The following UMAD1 variants were observed in gnomAD, a reference collection of about 807,000 sequenced individuals.
UMAD1 encodes the protein UBAP1-MVB12-associated (UMA)-domain containing protein 1.
A neutral mutation model predicts 6.1 loss-of-function variants in UMAD1; 8 were observed. The observed-to-expected ratio is 1.30, with a 90% CI of 0.76 to 2.35. The LOEUF (loss-of-function observed/expected upper bound fraction) is 2.35. Among genes scored for constraint, UMAD1 ranks in the 30% most tolerant of loss-of-function variants. UMAD1 has a pLI of 0.00. For missense variants in UMAD1, 130 were observed against 78.4 expected (o/e 1.66, Z -2.49); for synonymous variants, 56 against 31.4 (o/e 1.78, Z -2.61).
intron 3 of UMAD1, among the ~76,000 whole-genome samples, chr7:7,846,912 C>A (rs1235754253): frequency 8.1e-5 from 2 of 24,652 alleles, no homozygotes; most frequent in Non-Finnish European, 8.2e-5. Context: ...GTGGTGGGGT[C>A]GGGGGAGGGG....
intron 3 of UMAD1, among the ~76,000 whole-genome samples, chr7:7,848,090 C>A (rs1025857123): frequency 1.3e-5 from 2 of 152,102 alleles, no homozygotes; most frequent in African/African-American, 2.4e-5. Context: ...TGATGTATTA[C>A]CTGGCATAGT....
intron 1 of UMAD1, among the ~76,000 whole-genome samples, chr7:7,657,993 A>C (rs895157515): frequency 6.6e-6 from 1 of 152,130 alleles, no homozygotes; most frequent in African/African-American, 2.4e-5. Flanking sequence ...TTCCTTGAGC[A>C]GTGGTTTATA....
intron 3 of UMAD1, among the ~76,000 whole-genome samples, chr7:7,862,984 A>C (rs1454198325): frequency 6.6e-6 from 1 of 151,528 alleles, no homozygotes; most frequent in Non-Finnish European, 1.5e-5. Flanking sequence ...AAATTATACT[A>C]TAGTACATAA....
chr7:7,667,514 G>A (rs911026075), intron 1 of UMAD1, among the ~76,000 whole-genome samples: 1 of 152,158 alleles, frequency 6.6e-6, no homozygotes, highest in Non-Finnish European at 1.5e-5. Context: ...GGCAGAGGTT[G>A]CAGTTTTTTT....
chr7:7,838,998 G>C (rs1290326742), intron 3 of UMAD1, among the ~76,000 whole-genome samples: 1 of 152,156 alleles, frequency 6.6e-6, no homozygotes, highest in Non-Finnish European at 1.5e-5. Flanking sequence ...TTACTTTCTA[G>C]CAGGGGAGGA....
At chr7:7,671,376 T>C (rs1288202075) in intron 1 of UMAD1, among the ~76,000 whole-genome samples, 2 of 152,226 alleles carry the variant, frequency 1.3e-5, no homozygotes, top group Non-Finnish European at 2.9e-5. Flanking sequence ...CTCTTTTTTC[T>C]GAACCGTTTT....
At chr7:7,804,053 GTC>G (rs1305076815) in intron 3 of UMAD1, among the ~76,000 whole-genome samples, 10 of 152,162 alleles carry the variant, frequency 6.6e-5, no homozygotes, top group Admixed American at 6.5e-4. Context: ...CTACTTTCTA[GTC>G]TCTCTATTAA....
rs78698904 is a variant in UMAD1, at chr7:7,830,255, G to A, written c.156+28512G>A. Reference sequence around the variant, plus strand: ...TCCTAAACATGCGTTGTAATCACACGGCTCTCTGTCTGCTTGCTAAAGATT... The same window carrying A: ...TCCTAAACATGCGTTGTAATCACACAGCTCTCTGTCTGCTTGCTAAAGATT... On this transcript the variant is annotated intron_variant, in intron 3 of 3. Transcript: ENST00000682710. The surrounding 1 kb of genome is among the most constrained non-coding windows in gnomAD (Gnocchi z 5.3). Among the ~76,000 whole-genome samples, 18,739 of 151,990 alleles carry A rather than the reference G, an allele frequency of 0.12. 1,372 individuals carry two copies. Among genetic ancestry groups the A allele is most frequent in the Middle Eastern group, 0.2 (60 of 294 alleles).
At chr7:7,776,662 C>T (rs1026322008) in intron 2 of UMAD1, among the ~76,000 whole-genome samples, 9 of 152,144 alleles carry the variant, frequency 5.9e-5, no homozygotes, top group African/African-American at 1.2e-4. Context: ...TCTATAATAA[C>T]GGTTACTCTG....
chr7:7,861,647 T>A (rs1158905498), intron 3 of UMAD1, among the ~76,000 whole-genome samples: 1 of 152,232 alleles, frequency 6.6e-6, no homozygotes. Flanking sequence ...TTCATCTGTA[T>A]ATGAAAACAC....
chr7:7,774,750 A>G lies in UMAD1; in HGVS notation c.83-26920A>G, dbSNP rs553877184. Among the ~76,000 whole-genome samples, 8 of 152,246 alleles carry G rather than the reference A, an allele frequency of 5.3e-5. No homozygotes were observed. In the Middle Eastern group the frequency reaches 0.024, roughly 453 times the overall value. On this transcript the variant is annotated intron_variant, in intron 2 of 3. Coordinates refer to ENST00000682710, the MANE Select transcript of UMAD1 (RefSeq NM_001302348.2). ...CATAACACCAATTTCAACTCTTGTC[A>G]TCCTTCTCAAGCCCCAGGCCCAGTT...
At chr7:7,699,286 TTTCA>T (rs1780398732) in intron 2 of UMAD1, among the ~76,000 whole-genome samples, 1 of 152,190 alleles carries the variant, frequency 6.6e-6, no homozygotes, top group African/African-American at 2.4e-5. Context: ...AATTTTTAGT[TTTCA>T]TTGACTCTTT....
In UMAD1 at chr7:7,717,536, A is replaced by G. The variant is rs533053357; in HGVS notation, c.82+44083A>G. ...TTATTGTTTTGAAGTAAAATGTTTAAGGTATGCATGTATTTTTTATGATTT... is the reference window on the plus strand; with the variant it reads ...TTATTGTTTTGAAGTAAAATGTTTAGGGTATGCATGTATTTTTTATGATTT... On this transcript the variant is annotated intron_variant, in intron 2 of 3. Coordinates refer to ENST00000682710, the MANE Select transcript of UMAD1 (RefSeq NM_001302348.2). 4.7e-4 allele frequency among the ~76,000 whole-genome samples: 72 copies of G among 152,322 alleles called. 1 individual carries two copies. Among genetic ancestry groups the G allele is most frequent in the African/African-American group, 1.7e-3 (72 of 41,568 alleles).
intron 3 of UMAD1, among the ~76,000 whole-genome samples, chr7:7,809,323 C>T (rs1782980733): frequency 6.6e-6 from 1 of 151,948 alleles, no homozygotes; most frequent in Admixed American, 6.6e-5. Context: ...GGTATGGAAG[C>T]TGCATTGTAT....
chr7:7,707,438 T>A (rs575458419), intron 2 of UMAD1, among the ~76,000 whole-genome samples: 3 of 152,198 alleles, frequency 2.0e-5, no homozygotes, highest in Non-Finnish European at 4.4e-5. Context: ...TTACCTTGGG[T>A]AAATCATTTA....
chr7:7,782,698 G>C (rs1256283579), intron 2 of UMAD1, among the ~76,000 whole-genome samples: 2 of 150,094 alleles, frequency 1.3e-5, no homozygotes, highest in Admixed American at 6.6e-5. Flanking sequence ...CCTACAAGCC[G>C]AAACAATAGC....
At chr7:7,851,429 A>G (rs1194988379) in intron 3 of UMAD1, among the ~76,000 whole-genome samples, 6 of 152,220 alleles carry the variant, frequency 3.9e-5, no homozygotes, top group African/African-American at 1.2e-4. Context: ...ACCTAGGAGT[A>G]GAATTACTGG....
At chr7:7,842,441 A>G (rs1297075738) in intron 3 of UMAD1, among the ~76,000 whole-genome samples, 5 of 152,256 alleles carry the variant, frequency 3.3e-5, no homozygotes, top group East Asian at 1.9e-4. Context: ...GGCATTACCA[A>G]TATGACACAA....
intron 3 of UMAD1, chr7:7,868,700 G>A (rs936695921): frequency 9.2e-5 from 14 of 152,126 alleles, no homozygotes; most frequent in South Asian, 2.1e-4. Flanking sequence ...GAAATACAGC[G>A]TTCTTGAACT....
Sources: allele counts gnomAD v4.1 joint callset (sites outside exome capture counted in the v4.1 genomes callset), GRCh38; gene constraint gnomAD v4.1.1; non-coding constraint Gnocchi (gnomAD v3.1); transcripts MANE v1.5; gene names NCBI Gene and HGNC (gene_info 2026-07-23, HGNC 2026-07-21).